Variants in CUL4A observed in about 807,000 individuals in gnomAD.
CUL4A encodes the protein cullin 4A.
A neutral mutation model predicts 95.5 loss-of-function variants in CUL4A; 16 were observed. The observed-to-expected ratio is 0.17, with a 90% CI of 0.11 to 0.25. The LOEUF (loss-of-function observed/expected upper bound fraction) is 0.25. Among genes scored for constraint, CUL4A ranks in the 10% least tolerant of loss-of-function variants. CUL4A has a pLI of 1.00. For synonymous variants in CUL4A, 380 were observed against 353.1 expected, an observed-to-expected ratio of 1.08 and a Z score of -0.85; for missense variants, 610 against 937.0, an observed-to-expected ratio of 0.65 and a Z score of 4.56.
intron 2 of CUL4A, among the ~76,000 whole-genome samples, chr13:113,218,294 TATTA>T (rs1373145685): frequency 5.9e-5 from 9 of 152,198 alleles, no homozygotes; most frequent in African/African-American, 2.2e-4. Context: ...AAAGAAAGTT[TATTA>T]ATTAAACAAA....
At chr13:113,237,077 T>C (rs757485147) in intron 9 of CUL4A, among the ~76,000 whole-genome samples, 187 bp downstream of exon 9, 7 of 152,122 alleles carry the variant, frequency 4.6e-5, no homozygotes, top group Non-Finnish European at 8.8e-5. Context: ...AGAGAAATAA[T>C]GGAAGGCACC....
intron 18 of CUL4A, 121 bp downstream of exon 18, chr13:113,255,246 A>G: frequency 1.5e-6 from 1 of 676,088 alleles, no homozygotes; most frequent in Non-Finnish European, 2.5e-6. Flanking sequence ...CAATTTCACT[A>G]TGTAATGTTT....
chr13:113,256,294 A>G (rs2042118280), intron 18 of CUL4A, among the ~76,000 whole-genome samples: 1 of 152,020 alleles, frequency 6.6e-6, no homozygotes, highest in Admixed American at 6.5e-5. Flanking sequence ...GTGTAGACCC[A>G]CCAGGGCTGG....
chr13:113,236,926 C>G (rs2041563883), intron 9 of CUL4A, 36 bp downstream of exon 9: 1 of 1,430,572 alleles, frequency 7.0e-7, no homozygotes, highest in African/African-American at 1.4e-5. Context: ...TTAAACTGAA[C>G]AATTATCCTT....
intron 5 of CUL4A, among the ~76,000 whole-genome samples, chr13:113,232,108 C>T (rs61967865): frequency 0.36 from 2,780 of 7,658 alleles, 373 homozygotes; most frequent in African/African-American, 0.37. Flanking sequence ...CACCACTACC[C>T]GCCCACCACC....
At position 113,219,054 on chromosome 13, in the gene CUL4A, CT is replaced by C; in HGVS notation, c.368+13del. On this transcript the variant is annotated splice_region_variant and intron_variant, in intron 3 of 19. Transcript: ENST00000375440. ...CAGATCCTTCCGTTTAGAGAATATC[CT>C]TTTTTTGGTTCATAAAGTTTCTATT... The C allele has an allele frequency of 1.1e-5, 18 of 1,573,750 alleles. No homozygotes were observed. The highest frequency in any genetic ancestry group is 5.7e-5 in the Admixed American group (3 of 52,580).
At chr13:113,208,740 C>T, upstream of CUL4A, 4 of 1,483,982 alleles carry the variant, frequency 2.7e-6, no homozygotes, top group Non-Finnish European at 3.6e-6. Context: ...CCGGCCCCGC[C>T]GCGGGTGCGC....
intron 19 of CUL4A, among the ~76,000 whole-genome samples, chr13:113,263,202 G>A (rs905031043): frequency 2.0e-5 from 3 of 152,118 alleles, no homozygotes; most frequent in African/African-American, 7.2e-5. Flanking sequence ...GATGATGTAT[G>A]TACATTTCAC....
chr13:113,254,170 C>CA, intron 16 of CUL4A, among the ~76,000 whole-genome samples: 1 of 152,180 alleles, frequency 6.6e-6, no homozygotes, highest in South Asian at 2.1e-4. Context: ...AGGGGGCCAC[C>CA]AACTGTCACC....
intron 18 of CUL4A, among the ~76,000 whole-genome samples, chr13:113,257,494 A>C (rs1466645177): frequency 6.6e-6 from 1 of 152,172 alleles, no homozygotes; most frequent in Non-Finnish European, 1.5e-5. Context: ...GGCCTCAGGA[A>C]GTTTCCAGTC....
At chr13:113,221,856 G>C (rs147431611) in intron 3 of CUL4A, among the ~76,000 whole-genome samples, 5 of 152,198 alleles carry the variant, frequency 3.3e-5, no homozygotes, top group Admixed American at 6.5e-5. Flanking sequence ...GATTACAGGC[G>C]TGAGCCACCG....
chr13:113,254,820 T>C, intron 17 of CUL4A, 22 bp downstream of exon 17: 1 of 1,597,944 alleles, frequency 6.3e-7, no homozygotes, highest in Non-Finnish European at 8.6e-7. Flanking sequence ...GCAGAGTGCA[T>C]AGCTCCATGA....
At position 113,244,989 on chromosome 13, in the gene CUL4A, A is replaced by G. The variant is rs368624006; in HGVS notation, c.1374A>G (p.Ala458=). The G allele has an allele frequency of 1.2e-6, 2 of 1,613,952 alleles. No homozygotes were observed. The highest frequency in any genetic ancestry group is 1.7e-6 in the Non-Finnish European group (2 of 1,179,892). ...VFEAFYKKDL[A]KRLLVGKSAS... is the part of the protein sequence containing the mutation. ...AAGCATTTTATAAAAAAGATTTGGC[A>G]AAAAGACTCCTTGTTGGGAAAAGTG... Residue 458 remains alanine (A), a synonymous_variant, in exon 13 of 20, where the codon GCA becomes GCG. Coordinates refer to ENST00000375440, the MANE Select transcript of CUL4A (RefSeq NM_001008895.4).
chr13:113,244,548 T>A, intron 12 of CUL4A, 34 bp downstream of exon 12: 1 of 1,500,876 alleles, frequency 6.7e-7, no homozygotes, highest in Non-Finnish European at 9.2e-7. Flanking sequence ...TGCTGCATAA[T>A]CAAGAGGTGT....
At chr13:113,209,597 C>G (rs1348393739), upstream of CUL4A, 3 of 997,092 alleles carry the variant, frequency 3.0e-6, no homozygotes, top group Non-Finnish European at 3.6e-6. Context: ...CGGCGGCGCT[C>G]GGGGCGGGGC....
chr13:113,227,495 T>G lies in CUL4A; in HGVS notation c.369-481T>G, dbSNP rs80322487. 0.016 allele frequency among the ~76,000 whole-genome samples: 2,370 copies of G among 152,326 alleles called. 161 individuals carry two copies. The East Asian group carries it at 0.2, about 13-fold the overall frequency. On this transcript the variant is annotated intron_variant, in intron 3 of 19. Coordinates refer to ENST00000375440, the MANE Select transcript of CUL4A (RefSeq NM_001008895.4). ...AACACCATTACCGTAGAGTGAGAGC[T>G]TCAGCCTATGAATTTTGGGGGGACA...
rs1424489373 is a variant in CUL4A, at chr13:113,254,719, C to A, written c.1779C>A (p.Leu593=). 2.5e-6 allele frequency: 4 copies of A among 1,612,636 alleles called. No individual in the cohort carries two copies. The highest frequency in any genetic ancestry group is 3.4e-6 in the Non-Finnish European group (4 of 1,179,632). Reference sequence around the variant, plus strand: ...GGAAGAAGGAATTCCAGGTGTCCCTCTTCCAGACACTGGTGCTCCTCATGT... The same window carrying A: ...GGAAGAAGGAATTCCAGGTGTCCCTATTCCAGACACTGGTGCTCCTCATGT... The part of the protein sequence containing the change: ...KEGKKEFQVS[L]FQTLVLLMFN... The change falls in exon 17 of 20, where the codon CTC becomes CTA. Residue 593 remains leucine (L), a synonymous_variant. Coordinates refer to ENST00000375440, the MANE Select transcript of CUL4A (RefSeq NM_001008895.4).
chr13:113,214,567 C>G (rs1202343050), intron 2 of CUL4A, among the ~76,000 whole-genome samples: 1 of 152,022 alleles, frequency 6.6e-6, no homozygotes, highest in Non-Finnish European at 1.5e-5. Flanking sequence ...TGTCCAGGCT[C>G]CTTGGGAACT....
At chr13:113,220,183 A>C (rs528962545) in intron 3 of CUL4A, among the ~76,000 whole-genome samples, 1 of 152,350 alleles carries the variant, frequency 6.6e-6, no homozygotes, top group East Asian at 1.9e-4. Context: ...GGGAATCTGC[A>C]GCAGTTGGTG....
Sources: gnomAD v4.1 joint callset for allele counts (sites outside exome capture counted in the v4.1 genomes callset) on GRCh38, gnomAD v4.1.1 for gene constraint, MANE v1.5 for transcripts, NCBI Gene and HGNC (gene_info 2026-07-23, HGNC 2026-07-21) for gene names.